The following GSK3B variants were observed in gnomAD, a reference collection of about 807,000 sequenced individuals.
GSK3B encodes glycogen synthase kinase-3 beta.
In GSK3B, 15 loss-of-function variants were observed where a neutral mutation model predicts 56.4. The ratio of observed to expected loss-of-function variants is 0.27; its 90% CI spans 0.18 to 0.41. The LOEUF is 0.41. GSK3B is among the 10% of genes least tolerant of loss of function. The pLI, the probability that GSK3B is intolerant of heterozygous loss-of-function variation, is 1.00. For synonymous variants in GSK3B, 181 were observed against 188.9 expected, an observed-to-expected ratio of 0.96 and a Z score of 0.34; for missense variants, 300 against 513.4, an observed-to-expected ratio of 0.58 and a Z score of 4.02.
chr3:120,015,415 C>T (rs1290478136), intron 1 of GSK3B, among the ~76,000 whole-genome samples: 4 of 152,050 alleles, frequency 2.6e-5, no homozygotes, highest in African/African-American at 7.2e-5. Context: ...CTCTGGGAGG[C>T]CGAGGCGGGT....
In GSK3B at chr3:120,087,755, A is replaced by G. The variant is rs2058477171; in HGVS notation, c.88+5592T>C. 3.9e-5 allele frequency among the ~76,000 whole-genome samples: 6 copies of G among 152,346 alleles called. No individual in the cohort carries two copies. In the South Asian group the frequency reaches 1.2e-3, roughly 32 times the overall value. On this transcript the variant is annotated intron_variant, in intron 1 of 10. Transcript: ENST00000264235. ...CCAAACATGCTAAGAAAACTATTCA[A>G]TACAAAAAATATAAGATTTAATCAC...
At chr3:119,915,799 A>C (rs1353407527) in intron 5 of GSK3B, among the ~76,000 whole-genome samples, 2 of 152,110 alleles carry the variant, frequency 1.3e-5, no homozygotes, top group Non-Finnish European at 2.9e-5. Flanking sequence ...CTATATATAC[A>C]CTGTATTGTA....
intron 1 of GSK3B, among the ~76,000 whole-genome samples, chr3:120,031,211 A>C (rs1430205298): frequency 6.6e-6 from 1 of 152,244 alleles, no homozygotes; most frequent in Non-Finnish European, 1.5e-5. Flanking sequence ...ATATTTCTAA[A>C]ACACATTCTT....
intron 7 of GSK3B, among the ~76,000 whole-genome samples, chr3:119,899,085 A>T (rs1467525841): frequency 1.3e-5 from 2 of 152,074 alleles, no homozygotes; most frequent in Non-Finnish European, 2.9e-5. Context: ...TGGATCAGTG[A>T]GCCATAATAA....
At chr3:119,845,837 A>C (rs949867780) in intron 9 of GSK3B, among the ~76,000 whole-genome samples, 6 of 152,242 alleles carry the variant, frequency 3.9e-5, no homozygotes, top group Non-Finnish European at 7.3e-5. Flanking sequence ...TGGAACCAAA[A>C]AAGAGCCCGT....
rs76947920 is a variant in GSK3B at position 120,038,148 on chromosome 3, C to G, written c.89-35909G>C. ...TTCGGAATTTATCCCAGAGCCCAGG[C>G]GCTTACTCAACATGTTACTTCCTCC... On this transcript the variant is annotated intron_variant, in intron 1 of 10. Transcript: ENST00000264235. Among the ~76,000 whole-genome samples, 28 of 152,268 alleles carry G rather than the reference C, an allele frequency of 1.8e-4. No homozygotes were observed. The East Asian group carries it at 4.4e-3, about 24-fold the overall frequency.
At chr3:119,854,717 A>G (rs570919075) in intron 9 of GSK3B, among the ~76,000 whole-genome samples, 78 of 152,314 alleles carry the variant, frequency 5.1e-4, no homozygotes, top group African/African-American at 1.9e-3. Context: ...AGAAGTGTTC[A>G]TAGTATTCTC....
intron 1 of GSK3B, among the ~76,000 whole-genome samples, chr3:120,032,013 G>C (rs924028959): frequency 6.6e-6 from 1 of 152,066 alleles, no homozygotes; most frequent in African/African-American, 2.4e-5. Flanking sequence ...ATGAGCTATT[G>C]AACACCTGAA....
chr3:119,868,047 T>A (rs2056205163), intron 8 of GSK3B, among the ~76,000 whole-genome samples: 1 of 145,426 alleles, frequency 6.9e-6, no homozygotes, highest in Non-Finnish European at 1.5e-5. Flanking sequence ...AAAACACCCC[T>A]TTAAAAACAA....
At chr3:119,843,425 A>G in intron 9 of GSK3B, 72 bp from the exon 10 acceptor site, 1 of 799,516 alleles carries the variant, frequency 1.3e-6, no homozygotes, top group Non-Finnish European at 2.1e-6. Flanking sequence ...TATTGGTAAG[A>G]GTGAAAATAA....
chr3:120,015,388 C>A (rs1284634715), intron 1 of GSK3B, among the ~76,000 whole-genome samples: 3 of 152,104 alleles, frequency 2.0e-5, no homozygotes, highest in East Asian at 3.9e-4. Context: ...CAGTGGCTCA[C>A]GCCTGTAATC....
chr3:119,988,770 A>G (rs978150852), intron 2 of GSK3B, among the ~76,000 whole-genome samples: 1 of 152,250 alleles, frequency 6.6e-6, no homozygotes, highest in Non-Finnish European at 1.5e-5. Context: ...GATTCCTTCT[A>G]CAGAACAAAG....
chr3:120,088,330 T>A (rs1464674919), intron 1 of GSK3B, among the ~76,000 whole-genome samples: 2 of 152,202 alleles, frequency 1.3e-5, no homozygotes, highest in East Asian at 1.9e-4. Context: ...TAACGTAAAA[T>A]GGAATATTCC....
At chr3:120,011,739 GAAAAGCGCATTAC>G (rs901743272) in intron 1 of GSK3B, among the ~76,000 whole-genome samples, 53 of 152,300 alleles carry the variant, frequency 3.5e-4, no homozygotes, top group African/African-American at 1.3e-3. Context: ...GCGTGCCAAG[GAAAAGCGCATTAC>G]CATTTGGCAT....
chr3:120,094,091 A>G lies in GSK3B; in HGVS notation c.-657T>C. ...TCCTCATTGCGCCAGGAGCAGCTGC[A>G]GGCGGCGGCTGGATCCAGCGGCCAT... On this transcript the variant is annotated 5_prime_UTR_variant, in exon 1 of 11. Coordinates refer to ENST00000264235, the MANE Select transcript of GSK3B (RefSeq NM_001146156.2). The G allele has an allele frequency of 4.4e-6, 1 of 224,846 alleles. No homozygotes were observed. The highest frequency in any genetic ancestry group is 8.9e-6 in the Non-Finnish European group (1 of 112,756). 13.9% of individuals were successfully genotyped at this position (224,846 alleles called of 1,614,324 possible).
chr3:119,923,173 A>G (rs1402964186), intron 4 of GSK3B, among the ~76,000 whole-genome samples, 200 bp downstream of exon 4: 1 of 152,232 alleles, frequency 6.6e-6, no homozygotes, highest in Non-Finnish European at 1.5e-5. Context: ...TATCTTTACT[A>G]TCTGAGTTAT....
intron 9 of GSK3B, among the ~76,000 whole-genome samples, chr3:119,850,734 T>C (rs958231090): frequency 1.3e-5 from 2 of 152,146 alleles, no homozygotes; most frequent in Non-Finnish European, 2.9e-5. Flanking sequence ...AACAGCAAAG[T>C]AACAGCACCT....
intron 1 of GSK3B, among the ~76,000 whole-genome samples, chr3:120,070,841 A>C (rs561246395): frequency 1.3e-5 from 2 of 152,208 alleles, no homozygotes; most frequent in Admixed American, 6.5e-5. Context: ...CGTAGTTCAA[A>C]AGGGCAAAAA....
intron 7 of GSK3B, among the ~76,000 whole-genome samples, chr3:119,882,573 T>C (rs2056391891): frequency 6.6e-6 from 1 of 152,148 alleles, no homozygotes; most frequent in African/African-American, 2.4e-5. Context: ...TCAGTACACA[T>C]CAGCATGCAT....
Sources: allele counts gnomAD v4.1 joint callset (sites outside exome capture counted in the v4.1 genomes callset), GRCh38; gene constraint gnomAD v4.1.1; transcripts MANE v1.5; gene names NCBI Gene and HGNC (gene_info 2026-07-23, HGNC 2026-07-21).